The following CBX5 variants were observed in gnomAD, a reference collection of about 807,000 sequenced individuals.
CBX5 encodes the protein chromobox protein homolog 5.
CBX5 carries 7 observed loss-of-function variants against 20.7 expected under a neutral mutation model. That is an observed-to-expected ratio of 0.34 (90% CI 0.19 to 0.63). CBX5 has a LOEUF of 0.63. Among genes scored for constraint, CBX5 ranks in the 30% least tolerant of loss-of-function variants. The pLI is 0.75. For missense variants in CBX5, 110 were observed against 224.1 expected (o/e 0.49, Z 3.25); for synonymous variants, 78 against 77.0 (o/e 1.01, Z -0.07).
chr12:54,263,762 C>CAAAAAAAAAAAAAA (rs66591051), intron 1 of CBX5, among the ~76,000 whole-genome samples: 3 of 37,854 alleles, frequency 7.9e-5, no homozygotes, highest in African/African-American at 1.1e-4. Flanking sequence ...GACTCTATCT[C>CAAAAAAAAAAAAAA]AAAAAAAAAA....
At position 54,233,663 on chromosome 12, in the gene CBX5, G is replaced by T. The variant is rs1203447994; in HGVS notation, c.*8092C>A. The T allele has an allele frequency of 6.6e-6, 1 of 152,084 alleles. No individual in the cohort carries two copies. Among genetic ancestry groups the T allele is most frequent in the Non-Finnish European group, 1.5e-5 (1 of 68,048 alleles). 9.4% of individuals were successfully genotyped at this position (152,084 alleles called of 1,614,324 possible). A position where few individuals can be genotyped will look rare whatever the true frequency, so the allele number is the denominator to read the frequency against. ...TGTTCACTAGGGGCCGGGTGCGGTG[G>T]CTTATGCTTGTAATCCCAGCACTTT... is the stretch of plus-strand genomic sequence containing the variant. On this transcript the variant is annotated 3_prime_UTR_variant, in exon 5 of 5. Coordinates refer to ENST00000209875, the MANE Select transcript of CBX5 (RefSeq NM_012117.3).
intron 1 of CBX5, among the ~76,000 whole-genome samples, chr12:54,270,589 G>T (rs1242890571): frequency 6.6e-6 from 1 of 152,084 alleles, no homozygotes; most frequent in Non-Finnish European, 1.5e-5. Flanking sequence ...TAAAAGTTTT[G>T]ATATATCATC....
chr12:54,246,868 G>A (rs1258714567), intron 3 of CBX5, among the ~76,000 whole-genome samples: 1 of 151,808 alleles, frequency 6.6e-6, no homozygotes, highest in Non-Finnish European at 1.5e-5. Flanking sequence ...CACTCACTTG[G>A]AATCTCCTTA....
At position 54,233,510 on chromosome 12, in the gene CBX5, G is replaced by C. The variant is rs1469361068; in HGVS notation, c.*8245C>G. Reference sequence around the variant, plus strand: ...GTGACATGATTAAACTGTCTTTTCAGGTGTTCTCAAAGAATTTCTAGGCAG... The same window carrying C: ...GTGACATGATTAAACTGTCTTTTCACGTGTTCTCAAAGAATTTCTAGGCAG... On this transcript the variant is annotated 3_prime_UTR_variant, in exon 5 of 5. Transcript: ENST00000209875. 6.6e-6 allele frequency: 1 copy of C among 152,150 alleles called. No individual in the cohort carries two copies. The highest frequency in any genetic ancestry group is 1.9e-4 in the East Asian group (1 of 5,192). 9.4% of individuals were successfully genotyped at this position (152,150 alleles called of 1,614,324 possible). A position where few individuals can be genotyped will look rare whatever the true frequency, so the allele number is the denominator to read the frequency against.
intron 1 of CBX5, among the ~76,000 whole-genome samples, chr12:54,262,213 A>G (rs1943920318): frequency 6.6e-6 from 1 of 152,252 alleles, no homozygotes; most frequent in Non-Finnish European, 1.5e-5. Context: ...AATAAGGAAC[A>G]GGAGAGAATG....
In CBX5 at chr12:54,234,083, G is replaced by A. The variant is rs1394959277; in HGVS notation, c.*7672C>T. ...TAATCCCAGCTGCTCAGGAGGCTGA[G>A]GCAGAGAACTGCTTGAACCCGGGAG... On this transcript the variant is annotated 3_prime_UTR_variant, in exon 5 of 5. Coordinates refer to ENST00000209875, the MANE Select transcript of CBX5 (RefSeq NM_012117.3). 6.6e-6 allele frequency: 1 copy of A among 150,538 alleles called. No homozygotes were observed. Among genetic ancestry groups the A allele is most frequent in the African/African-American group, 2.5e-5 (1 of 40,632 alleles). 9.3% of individuals were successfully genotyped at this position (150,538 alleles called of 1,614,324 possible). A position where few individuals can be genotyped will look rare whatever the true frequency, so the allele number is the denominator to read the frequency against.
rs1181186836 is a variant in CBX5, at chr12:54,238,429, A to G, written c.*3326T>C. On this transcript the variant is annotated 3_prime_UTR_variant, in exon 5 of 5. Transcript: ENST00000209875. ...GGAGTTGATAGAAAACATAACTAAA[A>G]AAGTAGAAGACACTGTTAAATTTGA... 13 of 152,232 alleles carry G rather than the reference A, an allele frequency of 8.5e-5. No individual in the cohort carries two copies. Among genetic ancestry groups the G allele is most frequent in the African/African-American group, 3.1e-4 (13 of 41,462 alleles). 9.4% of individuals were successfully genotyped at this position (152,232 alleles called of 1,614,324 possible). A position where few individuals can be genotyped will look rare whatever the true frequency, so the allele number is the denominator to read the frequency against.
intron 3 of CBX5, among the ~76,000 whole-genome samples, chr12:54,250,276 T>C (rs928065932): frequency 1.3e-5 from 2 of 151,906 alleles, no homozygotes; most frequent in Non-Finnish European, 2.9e-5. Flanking sequence ...CTGGCTATGG[T>C]GGCACATGCC....
In CBX5 at chr12:54,231,802, C is replaced by T. The variant is rs903127094; in HGVS notation, c.*9953G>A. ...TCAATGCCCAATTCTGAGTGTTATA[C>T]ACATTTCTAGGAAAAATAATTCCAA... On this transcript the variant is annotated 3_prime_UTR_variant, in exon 5 of 5. Transcript: ENST00000209875. 6.6e-6 allele frequency: 1 copy of T among 152,146 alleles called. No individual in the cohort carries two copies. The highest frequency in any genetic ancestry group is 2.4e-5 in the African/African-American group (1 of 41,372). 9.4% of individuals were successfully genotyped at this position (152,146 alleles called of 1,614,324 possible). A position where few individuals can be genotyped will look rare whatever the true frequency, so the allele number is the denominator to read the frequency against.
chr12:54,272,484 C>G (rs1289553982), intron 1 of CBX5: 1 of 152,152 alleles, frequency 6.6e-6, no homozygotes, highest in Admixed American at 6.6e-5. Context: ...TGATGAACTA[C>G]TACTACTGGA....
At chr12:54,268,787 A>G (rs937174158) in intron 1 of CBX5, among the ~76,000 whole-genome samples, 2 of 152,220 alleles carry the variant, frequency 1.3e-5, no homozygotes, top group African/African-American at 2.4e-5. Flanking sequence ...CAGGACAGGA[A>G]TAAGTACATG....
At chr12:54,253,883 C>T (rs965320012) in intron 2 of CBX5, among the ~76,000 whole-genome samples, 1 of 151,456 alleles carries the variant, frequency 6.6e-6, no homozygotes, top group South Asian at 2.1e-4. Context: ...GCCTCAGCCT[C>T]CCCGGTAACT....
Position 54,239,838 on chromosome 12 carries a change from A to C in CBX5, c.*1917T>G, listed in dbSNP as rs1313797648. ...ATTATGCAGTATAATTTTTGACATA[A>C]TTTATATAAGCACACAGAATTCAAT... On this transcript the variant is annotated 3_prime_UTR_variant, in exon 5 of 5. Coordinates refer to ENST00000209875, the MANE Select transcript of CBX5 (RefSeq NM_012117.3). The C allele has an allele frequency of 1.3e-5, 2 of 152,210 alleles. No individual in the cohort carries two copies. Among genetic ancestry groups the C allele is most frequent in the Non-Finnish European group, 2.9e-5 (2 of 68,036 alleles). 9.4% of individuals were successfully genotyped at this position (152,210 alleles called of 1,614,324 possible). A position where few individuals can be genotyped will look rare whatever the true frequency, so the allele number is the denominator to read the frequency against.
At chr12:54,250,788 T>G (rs11616073) in intron 3 of CBX5, among the ~76,000 whole-genome samples, 64,471 of 119,932 alleles carry the variant, frequency 0.54, 18,352 homozygotes, top group African/African-American at 0.78. Flanking sequence ...GTCCGGCCTG[T>G]GCGACAGAGC....
intron 1 of CBX5, among the ~76,000 whole-genome samples, chr12:54,274,873 G>A (rs774300092): frequency 6.6e-6 from 1 of 152,156 alleles, no homozygotes; most frequent in Non-Finnish European, 1.5e-5. Flanking sequence ...CCGGGAGGCA[G>A]AGGTTGCAGT....
rs551378566 is a variant in CBX5 at position 54,276,262 on chromosome 12, T to C, written c.-43+3746A>G. Among the ~76,000 whole-genome samples, 6 of 152,292 alleles carry C rather than the reference T, an allele frequency of 3.9e-5. No individual in the cohort carries two copies. The South Asian group carries it at 1.2e-3, about 32-fold the overall frequency. ...TGATAAACCCATCATAGGTTGAAAA[T>C]ATGAAAAATTGAAAATTCATTTCCT... is the stretch of plus-strand genomic sequence containing the variant. On this transcript the variant is annotated intron_variant, in intron 1 of 4. Coordinates refer to ENST00000209875, the MANE Select transcript of CBX5 (RefSeq NM_012117.3).
chr12:54,270,430 C>T (rs1943998681), intron 1 of CBX5, among the ~76,000 whole-genome samples: 1 of 152,038 alleles, frequency 6.6e-6, no homozygotes, highest in Non-Finnish European at 1.5e-5. Context: ...CAAACCACCA[C>T]TCCTGGATAC....
intron 1 of CBX5, chr12:54,272,809 C>G (rs964393155): frequency 1.3e-5 from 2 of 152,166 alleles, no homozygotes; most frequent in African/African-American, 4.8e-5. Flanking sequence ...GGAATCACTT[C>G]ATAAAGTCTT....
intron 1 of CBX5, among the ~76,000 whole-genome samples, chr12:54,274,937 C>T (rs749732479): frequency 1.5e-4 from 23 of 151,444 alleles, no homozygotes; most frequent in Non-Finnish European, 3.2e-4. Flanking sequence ...GCGACTCTGT[C>T]TCAAAAACAA....
Sources: allele counts gnomAD v4.1 joint callset (sites outside exome capture counted in the v4.1 genomes callset), GRCh38; gene constraint gnomAD v4.1.1; transcripts MANE v1.5; gene names NCBI Gene and HGNC (gene_info 2026-07-23, HGNC 2026-07-21).